Variants in LRRC4C observed in about 807,000 individuals in gnomAD.
LRRC4C encodes the protein leucine-rich repeat-containing protein 4C.
In LRRC4C, 5 loss-of-function variants were observed where a neutral mutation model predicts 33.6. The ratio of observed to expected loss-of-function variants is 0.15; its 90% CI spans 0.08 to 0.31. LRRC4C has a LOEUF of 0.31. Ranked by LOEUF, LRRC4C falls within the 10% of genes least tolerant of loss-of-function variation. The probability of loss-of-function intolerance (pLI) is 1.00; values close to 1 mark genes in which losing one functional copy is unlikely to be tolerated. For missense variants in LRRC4C, 560 were observed against 796.7 expected (o/e 0.70, Z 3.58); for synonymous variants, 329 against 302.0 (o/e 1.09, Z -0.93).
chr11:40,232,010 GTAGT>G (rs1865234198), intron 5 of LRRC4C, among the ~76,000 whole-genome samples: 1 of 152,094 alleles, frequency 6.6e-6, no homozygotes, highest in African/African-American at 2.4e-5. Context: ...TTTTAGCTAG[GTAGT>G]TTGTTTCTTT....
intron 1 of LRRC4C, among the ~76,000 whole-genome samples, chr11:41,418,019 C>T (rs1408776165): frequency 1.3e-5 from 2 of 151,638 alleles, no homozygotes; most frequent in Non-Finnish European, 2.9e-5. Context: ...CCCCCCCACA[C>T]ACACATATGC....
intron 3 of LRRC4C, among the ~76,000 whole-genome samples, chr11:40,381,503 T>G (rs1948865554): frequency 6.6e-6 from 1 of 152,188 alleles, no homozygotes; most frequent in South Asian, 2.1e-4. Flanking sequence ...GTCTCTGGTG[T>G]TGAAAATTGG....
chr11:40,703,167 A>G (rs150079001), intron 2 of LRRC4C, among the ~76,000 whole-genome samples: 3 of 152,192 alleles, frequency 2.0e-5, no homozygotes, highest in African/African-American at 7.2e-5. Context: ...ATTAGTACCT[A>G]GTGGGTAAGA....
Position 41,452,407 on chromosome 11 carries a change from ATATCTACAT to A in LRRC4C, c.-496+7015_-496+7023del, listed in dbSNP as rs1444462231. ...TCAAAAACAGATAAAATATAATTGA[ATATCTACAT>A]TATGTAAAAAAGCTAGAGGATTTTT... On this transcript the variant is annotated intron_variant, in intron 1 of 6. Coordinates refer to ENST00000528697, the MANE Select transcript of LRRC4C (RefSeq NM_001258419.2). Among the ~76,000 whole-genome samples the A allele has an allele frequency of 1.5e-3, 235 of 152,254 alleles. 1 individual carries two copies. Among genetic ancestry groups the A allele is most frequent in the African/African-American group, 5.2e-3 (217 of 41,582 alleles).
intron 5 of LRRC4C, among the ~76,000 whole-genome samples, chr11:40,157,889 G>T (rs1157690635): frequency 6.6e-6 from 1 of 152,096 alleles, no homozygotes; most frequent in East Asian, 1.9e-4. Flanking sequence ...ACTACCATTT[G>T]TTCCAGCAAT....
At chr11:41,118,588 C>T (rs577302447) in intron 1 of LRRC4C, among the ~76,000 whole-genome samples, 23 of 152,290 alleles carry the variant, frequency 1.5e-4, no homozygotes, top group African/African-American at 3.4e-4. Flanking sequence ...TCAATTCATT[C>T]GTTTCTCAAT....
At chr11:41,146,058 A>G (rs1943716063) in intron 1 of LRRC4C, among the ~76,000 whole-genome samples, 1 of 152,202 alleles carries the variant, frequency 6.6e-6, no homozygotes, top group African/African-American at 2.4e-5. Context: ...ACTTTATACT[A>G]CAATTAAGAG....
At chr11:41,093,876 G>T (rs1436385491) in intron 1 of LRRC4C, among the ~76,000 whole-genome samples, 1 of 147,714 alleles carries the variant, frequency 6.8e-6, no homozygotes, top group Admixed American at 6.8e-5. Flanking sequence ...CGGATCACAA[G>T]GTCAGGAGAT....
At chr11:41,305,066 G>C (rs78397830) in intron 1 of LRRC4C, among the ~76,000 whole-genome samples, 2,582 of 3,530 alleles carry the variant, frequency 0.73, 1,116 homozygotes, top group Middle Eastern at 1. Flanking sequence ...TCAGCCCCCC[G>C]GCCCGGCCAG....
At chr11:41,443,813 G>A (rs909785529) in intron 1 of LRRC4C, among the ~76,000 whole-genome samples, 7 of 149,210 alleles carry the variant, frequency 4.7e-5, no homozygotes, top group African/African-American at 1.5e-4. Context: ...AGCAGAGATG[G>A]GGTTTCACCA....
intron 3 of LRRC4C, among the ~76,000 whole-genome samples, chr11:40,580,891 A>G (rs1409261464): frequency 2.0e-5 from 3 of 152,244 alleles, no homozygotes; most frequent in Admixed American, 1.3e-4. Flanking sequence ...TTTGATAGCT[A>G]CCATGGACTC....
intron 1 of LRRC4C, among the ~76,000 whole-genome samples, chr11:41,188,714 A>T (rs1461543635): frequency 6.6e-6 from 1 of 151,918 alleles, no homozygotes; most frequent in Non-Finnish European, 1.5e-5. Flanking sequence ...GCAAAAAAAA[A>T]AAAAAAAAGA....
At chr11:40,751,039 C>T (rs1433691089) in intron 2 of LRRC4C, among the ~76,000 whole-genome samples, 1 of 151,614 alleles carries the variant, frequency 6.6e-6, no homozygotes, top group African/African-American at 2.4e-5. Flanking sequence ...TCAGTAGATG[C>T]CGAAAAACAC....
chr11:40,767,022 G>A (rs1164507907), intron 2 of LRRC4C, among the ~76,000 whole-genome samples: 1 of 121,798 alleles, frequency 8.2e-6, no homozygotes, highest in Non-Finnish European at 1.8e-5. Flanking sequence ...AAGACACAGA[G>A]TGGCTGGATG....
intron 2 of LRRC4C, among the ~76,000 whole-genome samples, chr11:40,806,154 C>T (rs915152655): frequency 5.9e-5 from 9 of 152,166 alleles, no homozygotes; most frequent in African/African-American, 1.9e-4. Context: ...TGACAAACCA[C>T]CTCAAAATTT....
At chr11:41,336,049 T>A (rs1016214271) in intron 1 of LRRC4C, among the ~76,000 whole-genome samples, 1 of 152,204 alleles carries the variant, frequency 6.6e-6, no homozygotes, top group African/African-American at 2.4e-5. Context: ...TATTTTCCTA[T>A]CTGGCATCCC....
intron 1 of LRRC4C, among the ~76,000 whole-genome samples, chr11:41,284,381 C>A (rs914116097): frequency 6.6e-6 from 1 of 152,186 alleles, no homozygotes; most frequent in Non-Finnish European, 1.5e-5. Context: ...CTCCTTCATA[C>A]GCTCTCACAC....
chr11:40,738,606 G>A (rs765823255), intron 2 of LRRC4C, among the ~76,000 whole-genome samples: 1 of 151,998 alleles, frequency 6.6e-6, no homozygotes, highest in African/African-American at 2.4e-5. Context: ...GTCTGTAATA[G>A]AGCCAAAAGA....
intron 2 of LRRC4C, among the ~76,000 whole-genome samples, chr11:40,827,151 A>T (rs1202845056): frequency 2.6e-5 from 4 of 151,926 alleles, no homozygotes; most frequent in Admixed American, 6.6e-5. Context: ...TGATACAAGT[A>T]ATAATGGCTA....
Sources: gnomAD v4.1 joint callset for allele counts (sites outside exome capture counted in the v4.1 genomes callset) on GRCh38, gnomAD v4.1.1 for gene constraint, MANE v1.5 for transcripts, NCBI Gene and HGNC (gene_info 2026-07-23, HGNC 2026-07-21) for gene names.